YTHDC1: variants seen among roughly 807,000 people sequenced by gnomAD.
YTHDC1 encodes YTH N6-methyladenosine RNA binding protein C1.
YTHDC1 carries 12 observed loss-of-function variants against 107.0 expected under a neutral mutation model. The observed-to-expected ratio is 0.11, with a 90% CI of 0.07 to 0.18. The LOEUF (loss-of-function observed/expected upper bound fraction) is 0.18, where lower values mean the gene tolerates loss of function less well. YTHDC1 is among the 10% of genes least tolerant of loss of function. YTHDC1 has a pLI of 1.00. For missense variants in YTHDC1, 635 were observed against 898.8 expected (o/e 0.71, Z 3.75); for synonymous variants, 280 against 289.5 (o/e 0.97, Z 0.33).
intron 15 of YTHDC1, 74 bp from the exon 16 acceptor site, chr4:68,316,522 T>A (rs1455737789): frequency 4.0e-6 from 6 of 1,518,544 alleles, no homozygotes; most frequent in Non-Finnish European, 5.3e-6. Context: ...GAACCCTTCA[T>A]CCAAAACACC....
rs945089868 is a variant in YTHDC1 at position 68,311,860 on chromosome 4, A to C, written c.*2239T>G. On this transcript the variant is annotated 3_prime_UTR_variant, in exon 17 of 17. Coordinates refer to ENST00000344157, the MANE Select transcript of YTHDC1 (RefSeq NM_001031732.4). ...CTGAAGGAAATGTTAATGTTTAAAA[A>C]TCTCAGGCCAGGTGCAGTGGCTCAC... is the stretch of plus-strand genomic sequence containing the variant. 6.6e-6 allele frequency: 1 copy of C among 152,248 alleles called. No homozygotes were observed. Among genetic ancestry groups the C allele is most frequent in the Admixed American group, 6.5e-5 (1 of 15,276 alleles). 9.4% of individuals were successfully genotyped at this position (152,248 alleles called of 1,614,324 possible).
chr4:68,349,944 C>G lies in YTHDC1; in HGVS notation c.-191G>C. 1.3e-6 allele frequency: 1 copy of G among 762,332 alleles called. No individual in the cohort carries two copies. Among genetic ancestry groups the G allele is most frequent in the Non-Finnish European group, 2.1e-6 (1 of 468,454 alleles). 47.2% of individuals were successfully genotyped at this position (762,332 alleles called of 1,614,324 possible). A position where few individuals can be genotyped will look rare whatever the true frequency, so the allele number is the denominator to read the frequency against. ...TTTTTCCCTTTCTCCCTTCCTTTCACTCCAGCATCCAGCGGCCTAGGCCCA... is the reference window on the plus strand; with the variant it reads ...TTTTTCCCTTTCTCCCTTCCTTTCAGTCCAGCATCCAGCGGCCTAGGCCCA... On this transcript the variant is annotated 5_prime_UTR_variant, in exon 1 of 17. Transcript: ENST00000344157.
chr4:68,318,134 G>A (rs544623384), intron 15 of YTHDC1, among the ~76,000 whole-genome samples: 19 of 152,286 alleles, frequency 1.2e-4, no homozygotes, highest in African/African-American at 4.3e-4. Flanking sequence ...GTCTCCCTCT[G>A]TTGCCCAGGC....
At chr4:68,319,432 G>A (rs1446502457) in intron 12 of YTHDC1, among the ~76,000 whole-genome samples, 1 of 152,150 alleles carries the variant, frequency 6.6e-6, no homozygotes, top group Non-Finnish European at 1.5e-5. Context: ...AAAAACATTT[G>A]AGTAGTCATG....
chr4:68,349,445 C>A (rs1186180532), intron 1 of YTHDC1, among the ~76,000 whole-genome samples: 1 of 152,216 alleles, frequency 6.6e-6, no homozygotes, highest in Non-Finnish European at 1.5e-5. Context: ...TCAGAAAGGG[C>A]CCCTCTCAGC....
At chr4:68,346,846 T>C (rs538698262) in intron 1 of YTHDC1, among the ~76,000 whole-genome samples, 1 of 152,280 alleles carries the variant, frequency 6.6e-6, no homozygotes, top group East Asian at 1.9e-4. Flanking sequence ...TCATCATAGG[T>C]ATATACATAT....
chr4:68,336,014 A>T (rs1724119218), intron 4 of YTHDC1, among the ~76,000 whole-genome samples: 1 of 148,140 alleles, frequency 6.8e-6, no homozygotes, highest in Admixed American at 6.8e-5. Context: ...TATAGTATAA[A>T]ATATATAGTA....
rs1186123624 is a variant in YTHDC1, at chr4:68,313,928, C to T, written c.*171G>A. ...GGATTTTTGGCGGATTTGAGTTTTT[C>T]CAGTTCTTATGATACTGCATGCTTG... is the stretch of plus-strand genomic sequence containing the variant. On this transcript the variant is annotated 3_prime_UTR_variant, in exon 17 of 17. Coordinates refer to ENST00000344157, the MANE Select transcript of YTHDC1 (RefSeq NM_001031732.4). 5.5e-6 allele frequency: 4 copies of T among 722,890 alleles called. No homozygotes were observed. The East Asian group carries it at 1.1e-4, about 19-fold the overall frequency. 44.8% of individuals were successfully genotyped at this position (722,890 alleles called of 1,614,324 possible).
rs191284559 is a variant in YTHDC1 at position 68,312,651 on chromosome 4, T to C, written c.*1448A>G. On this transcript the variant is annotated 3_prime_UTR_variant, in exon 17 of 17. Coordinates refer to ENST00000344157, the MANE Select transcript of YTHDC1 (RefSeq NM_001031732.4). The stretch of plus-strand genomic sequence containing the variant: ...TATGAATATGAATGCAGTATAACTA[T>C]AGTTTATTATATCCTTTAAGAGTAA... 7.2e-5 allele frequency: 11 copies of C among 152,364 alleles called. No homozygotes were observed. Among genetic ancestry groups the C allele is most frequent in the African/African-American group, 1.4e-4 (6 of 41,586 alleles). The allele number at this position is 152,364 out of a possible 1,614,324, so 9.4% of individuals were successfully genotyped here. A position where few individuals can be genotyped will look rare whatever the true frequency, so the allele number is the denominator to read the frequency against.
At position 68,337,292 on chromosome 4, in the gene YTHDC1, T is replaced by C; in HGVS notation, c.618A>G (p.Glu206=). 1.9e-6 allele frequency: 3 copies of C among 1,613,492 alleles called. No homozygotes were observed. The highest frequency in any genetic ancestry group is 2.5e-6 in the Non-Finnish European group (3 of 1,179,674). The change falls in exon 4 of 17, where the codon GAA becomes GAG. Residue 206 remains glutamate (E), a synonymous_variant. Coordinates refer to ENST00000344157, the MANE Select transcript of YTHDC1 (RefSeq NM_001031732.4). ...NNTENEEEGV[E]EDVEEDEEVE... ...CTTCTTCATCTTCCTCCACATCTTC[T>C]TCCACTCCTTCCTCCTCATTCTCAG... is the stretch of plus-strand genomic sequence containing the variant.
intron 12 of YTHDC1, among the ~76,000 whole-genome samples, chr4:68,319,238 T>C (rs534539496): frequency 6.6e-6 from 1 of 152,302 alleles, no homozygotes; most frequent in Non-Finnish European, 1.5e-5. Flanking sequence ...ACCTTGGGTA[T>C]ATGTAGGTCT....
At position 68,330,309 on chromosome 4, in the gene YTHDC1, C is replaced by T; in HGVS notation, c.1124G>A (p.Gly375Asp). 6.5e-7 allele frequency: 1 copy of T among 1,535,394 alleles called. No homozygotes were observed. The highest frequency in any genetic ancestry group is 8.8e-7 in the Non-Finnish European group (1 of 1,138,400). The change falls in exon 8 of 17, where the codon GGT becomes GAT. Residue 375 changes from glycine to aspartate, a missense_variant and splice_region_variant. Around this residue, in one of 5 missense-constraint regions of YTHDC1, gnomAD observed 60 missense variants for 172.0 expected, o/e 0.35. Transcript: ENST00000344157. ...HENVSLAKAK[G>D]VWSTLPVNEK... ...ATTTACAGGGAGCGTGGACCATACA[C>T]CCTACATAAATAACATAAAGACCAC...
chr4:68,332,100 T>C lies in YTHDC1; in HGVS notation c.1122+3A>G, dbSNP rs1215681280. On this transcript the variant is annotated splice_donor_region_variant and intron_variant, in intron 7 of 16. Transcript: ENST00000344157. The stretch of plus-strand genomic sequence containing the variant: ...ATAGTTTCAACAGAACTGATGCTAA[T>C]ACCTTCGCTTTGGCAAGAGACACAT... The C allele has an allele frequency of 1.3e-6, 2 of 1,586,834 alleles. No individual in the cohort carries two copies. Among genetic ancestry groups the C allele is most frequent in the Non-Finnish European group, 1.7e-6 (2 of 1,165,424 alleles).
chr4:68,326,356 G>A (rs933723617), intron 9 of YTHDC1, among the ~76,000 whole-genome samples: 1 of 152,124 alleles, frequency 6.6e-6, no homozygotes, highest in African/African-American at 2.4e-5. Context: ...ACAGGGCTCA[G>A]AATAAATTAA....
chr4:68,332,195 G>A lies in YTHDC1; in HGVS notation c.1030C>T (p.Gln344Ter). ...SSSVRAVRKD[Q>*]TSKLKYVLQD... ...AGCACATATTTGAGTTTACTGGTTT[G>A]ATCTGAAAAAAAAAGAAACCCAAAT... Residue 344 changes from glutamine (Q) to a stop codon, truncating the protein, a stop_gained and splice_region_variant, in exon 7 of 17, where the codon CAA (glutamine) becomes TAA (stop). Coordinates refer to ENST00000344157, the MANE Select transcript of YTHDC1 (RefSeq NM_001031732.4). LOFTEE classifies it high-confidence loss of function. 6.3e-7 allele frequency: 1 copy of A among 1,587,134 alleles called. No homozygotes were observed. The highest frequency in any genetic ancestry group is 8.6e-7 in the Non-Finnish European group (1 of 1,167,424).
chr4:68,341,044 C>CT (rs1010301626), intron 1 of YTHDC1, among the ~76,000 whole-genome samples: 1 of 152,012 alleles, frequency 6.6e-6, no homozygotes, highest in African/African-American at 2.4e-5. Flanking sequence ...TTTAAAAATA[C>CT]TTTGTCACTT....
chr4:68,341,034 T>C (rs1018447929), intron 1 of YTHDC1, among the ~76,000 whole-genome samples: 1 of 152,118 alleles, frequency 6.6e-6, no homozygotes, highest in Admixed American at 6.5e-5. Context: ...CTTACTACTT[T>C]TTAAAAATAC....
chr4:68,333,525 G>T (rs2109718365), intron 4 of YTHDC1, 128 bp from the exon 5 acceptor site: 1 of 571,748 alleles, frequency 1.7e-6, no homozygotes, highest in South Asian at 2.7e-5. Flanking sequence ...CCTCTCTCCT[G>T]ATCCCTCAAT....
intron 15 of YTHDC1, among the ~76,000 whole-genome samples, chr4:68,317,146 C>T (rs935594941): frequency 5.9e-5 from 9 of 152,050 alleles, no homozygotes; most frequent in African/African-American, 1.9e-4. Context: ...ACCACTTGTG[C>T]CCAGGAGTTC....
Sources: gnomAD v4.1 joint callset for allele counts (sites outside exome capture counted in the v4.1 genomes callset) on GRCh38, gnomAD v4.1.1 for gene constraint, gnomAD v4.1.1 regional missense constraint, MANE v1.5 for transcripts, NCBI Gene and HGNC (gene_info 2026-07-23, HGNC 2026-07-21) for gene names.